The following DUSP22 variants were observed in gnomAD, a reference collection of about 807,000 sequenced individuals.
The protein encoded by DUSP22 is dual specificity protein phosphatase 22.
In DUSP22, 24 loss-of-function variants were observed where a neutral mutation model predicts 24.5. The observed-to-expected ratio is 0.98, with a 90% confidence interval of 0.71 to 1.38. The LOEUF (loss-of-function observed/expected upper bound fraction) is 1.38, where lower values mean the gene tolerates loss of function less well. DUSP22 is among the 40% of genes most tolerant of loss of function. The probability of loss-of-function intolerance (pLI) is 0.00; values close to 1 mark genes in which losing one functional copy is unlikely to be tolerated. For synonymous variants in DUSP22, 160 were observed against 106.4 expected (o/e 1.50, Z -3.10); for missense variants, 330 against 269.2 (o/e 1.23, Z -1.58).
At chr6:293,421 C>T (rs1317781853) in intron 1 of DUSP22, among the ~76,000 whole-genome samples, 3 of 152,294 alleles carry the variant, frequency 2.0e-5, no homozygotes. Context: ...CTTTACAAAG[C>T]CCGCAACAAA....
intron 3 of DUSP22, 54 bp downstream of exon 3, chr6:312,016 G>T (rs1293668826): frequency 6.4e-7 from 1 of 1,570,142 alleles, no homozygotes. Context: ...TTCCGTGGGA[G>T]TACCTACGAC....
In DUSP22 at chr6:339,628, G is replaced by A. The variant is rs551667387; in HGVS notation, c.188+4465G>A. Among the ~76,000 whole-genome samples, 10 of 152,406 alleles carry A rather than the reference G, an allele frequency of 6.6e-5. No individual in the cohort carries two copies. In the South Asian group the frequency reaches 8.3e-4, roughly 13 times the overall value. ...AGTCGGTATACATCATTGCAGTAGC[G>A]CCTTTGTGACATTCAGTGGTTTTAG... On this transcript the variant is annotated intron_variant, in intron 4 of 6. Coordinates refer to ENST00000419235, the MANE Select transcript of DUSP22 (RefSeq NM_001286555.3).
chr6:332,972 A>G (rs73717034), intron 3 of DUSP22, among the ~76,000 whole-genome samples: 111 of 152,366 alleles, frequency 7.3e-4, no homozygotes, highest in African/African-American at 2.6e-3. Context: ...AGTCATTTCA[A>G]TGGTGGCTGC....
At chr6:308,130 A>G (rs1042978674) in intron 2 of DUSP22, among the ~76,000 whole-genome samples, 9 of 152,290 alleles carry the variant, frequency 5.9e-5, no homozygotes, top group Non-Finnish European at 1.0e-4. Context: ...CTTAAAGCGC[A>G]TGTTCTGATC....
In DUSP22 at chr6:351,192, C is replaced by T. The variant is rs547349236; in HGVS notation, c.*2241C>T. ...CCTGTGAACGCCTCCCAAGGACGAG[C>T]CCAGTGTAGTTGTGTGGCGTGAACT... On this transcript the variant is annotated 3_prime_UTR_variant, in exon 7 of 7. Transcript: ENST00000419235. The T allele has an allele frequency of 2.4e-4, 100 of 417,526 alleles. No homozygotes were observed. In the South Asian group the frequency reaches 2.7e-3, roughly 11 times the overall value. The allele number at this position is 417,526 out of a possible 1,614,324, so 25.9% of individuals were successfully genotyped here. A position where few individuals can be genotyped will look rare whatever the true frequency, so the allele number is the denominator to read the frequency against.
At chr6:331,806 T>G (rs1413442854) in intron 3 of DUSP22, among the ~76,000 whole-genome samples, 2 of 152,308 alleles carry the variant, frequency 1.3e-5, no homozygotes, top group South Asian at 2.1e-4. Context: ...TAAATAGATG[T>G]TCTTAGGTGG....
In DUSP22 at chr6:350,231, T is replaced by G. The variant is rs886210403; in HGVS notation, c.*1280T>G. ...ATTGAGCTATTTAAAGTTGCCAGTT[T>G]GGGCTCCAGTAATGCTTTCTGGTGG... is the stretch of plus-strand genomic sequence containing the variant. On this transcript the variant is annotated 3_prime_UTR_variant, in exon 7 of 7. Coordinates refer to ENST00000419235, the MANE Select transcript of DUSP22 (RefSeq NM_001286555.3). 30 of 987,992 alleles carry G rather than the reference T, an allele frequency of 3.0e-5. No individual in the cohort carries two copies. Among genetic ancestry groups the G allele is most frequent in the Admixed American group, 6.0e-5 (1 of 16,594 alleles). 61.2% of individuals were successfully genotyped at this position (987,992 alleles called of 1,614,324 possible).
intron 3 of DUSP22, among the ~76,000 whole-genome samples, chr6:317,803 G>A (rs1446163925): frequency 6.6e-6 from 1 of 152,310 alleles, no homozygotes; most frequent in Admixed American, 6.5e-5. Flanking sequence ...GCAGATGTCT[G>A]CTGATGAAAG....
At chr6:346,353 G>A (rs1375084546) in intron 5 of DUSP22, among the ~76,000 whole-genome samples, 1 of 152,298 alleles carries the variant, frequency 6.6e-6, no homozygotes, top group Non-Finnish European at 1.5e-5. Context: ...TGGATTTTCA[G>A]TATCGCGCTA....
intron 3 of DUSP22, among the ~76,000 whole-genome samples, chr6:316,639 C>T (rs1581162212): frequency 1.3e-5 from 2 of 152,276 alleles, no homozygotes; most frequent in Non-Finnish European, 2.9e-5. Context: ...CTCCCTTCCC[C>T]TGAAAAAAAG....
At chr6:324,471 C>A (rs910809171) in intron 3 of DUSP22, among the ~76,000 whole-genome samples, 1 of 152,300 alleles carries the variant, frequency 6.6e-6, no homozygotes, top group African/African-American at 2.4e-5. Flanking sequence ...TGCTGCATAA[C>A]AGAGGGGTGT....
intron 1 of DUSP22, 137 bp from the exon 2 acceptor site, chr6:304,491 G>C (rs1251849627): frequency 7.7e-7 from 1 of 1,299,216 alleles, no homozygotes; most frequent in East Asian, 2.3e-5. Flanking sequence ...TGGGTCACCC[G>C]CGTGTCTGTC....
In DUSP22 at chr6:340,226, T is replaced by C. The variant is rs565255785; in HGVS notation, c.188+5063T>C. Among the ~76,000 whole-genome samples, 10 of 152,420 alleles carry C rather than the reference T, an allele frequency of 6.6e-5. No homozygotes were observed. In the South Asian group the frequency reaches 1.9e-3, roughly 28 times the overall value. ...TTTAATGTTGACAGTGCGTGAAATA[T>C]CAAAGTTGGGGAATCACTGATACAA... is the stretch of plus-strand genomic sequence containing the variant. On this transcript the variant is annotated intron_variant, in intron 4 of 6. Coordinates refer to ENST00000419235, the MANE Select transcript of DUSP22 (RefSeq NM_001286555.3).
rs1757692416 is a variant in DUSP22, at chr6:303,797, A to G, written c.22-831A>G. On this transcript the variant is annotated intron_variant, in intron 1 of 6. Coordinates refer to ENST00000419235, the MANE Select transcript of DUSP22 (RefSeq NM_001286555.3). The stretch of plus-strand genomic sequence containing the variant: ...ACTTCGCAAATTGTGGGTGTGAAAG[A>G]AGCCACCCCAATTTCTCATTGCCGA... Among the ~76,000 whole-genome samples the G allele has an allele frequency of 3.3e-5, 5 of 152,426 alleles. No homozygotes were observed. In the South Asian group the frequency reaches 1.0e-3, roughly 32 times the overall value.
chr6:298,477 A>AG lies in DUSP22; in HGVS notation c.21+5917_21+5918insG, dbSNP rs1400010462. ...TGGGTGGGGTTCTTAGATGCCATGC[A>AG]TCCTGAAGGACTAAAATAAATGTTT... is the stretch of plus-strand genomic sequence containing the variant. On this transcript the variant is annotated intron_variant, in intron 1 of 6. Transcript: ENST00000419235. Among the ~76,000 whole-genome samples, 6 of 152,422 alleles carry AG rather than the reference A, an allele frequency of 3.9e-5. No individual in the cohort carries two copies. The East Asian group carries it at 9.6e-4, about 24-fold the overall frequency.
chr6:323,239 C>CGT (rs1306195265), intron 3 of DUSP22, among the ~76,000 whole-genome samples: 8 of 103,636 alleles, frequency 7.7e-5, no homozygotes, highest in South Asian at 7.7e-4. Flanking sequence ...GGCGTGTGTG[C>CGT]ATGTGTGTGT....
At chr6:348,732 G>C (rs781469494) in intron 6 of DUSP22, 37 bp from the exon 7 acceptor site, 1 of 1,613,558 alleles carries the variant, frequency 6.2e-7, no homozygotes. Context: ...ACGTGCACAT[G>C]TGTGTGACGT....
At chr6:326,658 G>T (rs1758894018) in intron 3 of DUSP22, among the ~76,000 whole-genome samples, 1 of 152,308 alleles carries the variant, frequency 6.6e-6, no homozygotes, top group African/African-American at 2.4e-5. Context: ...GAGAGTCACT[G>T]GCAAATCCTG....
In DUSP22 at chr6:349,807, T is replaced by C; in HGVS notation, c.*856T>C. ...AGCCCTGAGTTCTACTTGGTGTTTGTTCTCTGGAGCTGATTGCACTTGAGC... is the reference window on the plus strand; with the variant it reads ...AGCCCTGAGTTCTACTTGGTGTTTGCTCTCTGGAGCTGATTGCACTTGAGC... On this transcript the variant is annotated 3_prime_UTR_variant, in exon 7 of 7. Transcript: ENST00000419235. The C allele has an allele frequency of 1.0e-6, 1 of 985,974 alleles. No individual in the cohort carries two copies. Among genetic ancestry groups the C allele is most frequent in the Non-Finnish European group, 1.2e-6 (1 of 830,278 alleles). 61.1% of individuals were successfully genotyped at this position (985,974 alleles called of 1,614,324 possible). A position where few individuals can be genotyped will look rare whatever the true frequency, so the allele number is the denominator to read the frequency against.
Sources: allele counts gnomAD v4.1 joint callset (sites outside exome capture counted in the v4.1 genomes callset), GRCh38; gene constraint gnomAD v4.1.1; transcripts MANE v1.5; gene names NCBI Gene and HGNC (gene_info 2026-07-23, HGNC 2026-07-21).